Variants in CNTNAP2 observed in about 807,000 individuals in gnomAD.
The protein encoded by CNTNAP2 is contactin-associated protein-like 2.
Under a neutral mutation model 155.2 loss-of-function variants are expected in CNTNAP2, and 98 were observed. That is an observed-to-expected ratio of 0.63 (90% confidence interval 0.54 to 0.75). CNTNAP2 has a LOEUF of 0.75. CNTNAP2 is among the 30% of genes least tolerant of loss of function. The pLI is 0.00. For missense variants in CNTNAP2, 1,727 were observed against 1,688.1 expected (o/e 1.02, Z -0.40); for synonymous variants, 651 against 631.2 (o/e 1.03, Z -0.47).
chr7:146,216,476 C>T (rs577236388), intron 1 of CNTNAP2, among the ~76,000 whole-genome samples: 3 of 152,306 alleles, frequency 2.0e-5, no homozygotes, highest in African/African-American at 7.2e-5. Context: ...TGCCTCAGCA[C>T]ACCCTGTTCC....
At chr7:148,200,620 T>C (rs1025924017) in intron 18 of CNTNAP2, among the ~76,000 whole-genome samples, 2 of 152,308 alleles carry the variant, frequency 1.3e-5, no homozygotes, top group East Asian at 1.9e-4. Context: ...TCCTCTTACA[T>C]AGGAATCATA....
chr7:148,386,325 C>T (rs770459753), intron 22 of CNTNAP2, among the ~76,000 whole-genome samples: 10 of 151,934 alleles, frequency 6.6e-5, no homozygotes, highest in Non-Finnish European at 1.2e-4. Flanking sequence ...GTCAGGAGTT[C>T]GAGACCAGCC....
chr7:148,248,979 C>T (rs921613935), intron 20 of CNTNAP2, among the ~76,000 whole-genome samples: 2 of 152,160 alleles, frequency 1.3e-5, no homozygotes, highest in Non-Finnish European at 2.9e-5. Flanking sequence ...TGTTTAGCGA[C>T]TTTTCAAGTG....
chr7:146,724,480 G>A (rs112309511), intron 1 of CNTNAP2, among the ~76,000 whole-genome samples: 8 of 146,378 alleles, frequency 5.5e-5, no homozygotes, highest in African/African-American at 1.0e-4. Context: ...GTCTTGTTCC[G>A]TTTGGTTTTA....
chr7:148,045,164 A>G (rs1802753780), intron 15 of CNTNAP2, among the ~76,000 whole-genome samples: 1 of 152,198 alleles, frequency 6.6e-6, no homozygotes, highest in Admixed American at 6.5e-5. Flanking sequence ...CAGAGAGGGC[A>G]GCCTGCCTCT....
intron 10 of CNTNAP2, among the ~76,000 whole-genome samples, chr7:147,431,145 A>G (rs1265241963): frequency 6.6e-6 from 1 of 151,958 alleles, no homozygotes; most frequent in Non-Finnish European, 1.5e-5. Flanking sequence ...TGGCTTGTTG[A>G]ATTCATGATT....
intron 3 of CNTNAP2, among the ~76,000 whole-genome samples, chr7:146,981,337 A>T (rs184689914): frequency 6.6e-6 from 1 of 152,232 alleles, no homozygotes; most frequent in Non-Finnish European, 1.5e-5. Context: ...AGAAAAATAG[A>T]TGAGAACAGT....
In CNTNAP2 at chr7:147,041,017, A is replaced by C. The variant is rs111592553; in HGVS notation, c.403-2890A>C. Among the ~76,000 whole-genome samples, 1,260 of 152,210 alleles carry C rather than the reference A, an allele frequency of 8.3e-3. 17 individuals are homozygous for C. The highest frequency in any genetic ancestry group is 0.024 in the Middle Eastern group (7 of 294). Reference sequence around the variant, plus strand: ...ATTTATTTATTGCCCCTACCACCACATTGGTGTTGACCTTCAATTACTTGT... The same window carrying C: ...ATTTATTTATTGCCCCTACCACCACCTTGGTGTTGACCTTCAATTACTTGT... On this transcript the variant is annotated intron_variant, in intron 3 of 23. Coordinates refer to ENST00000361727, the MANE Select transcript of CNTNAP2 (RefSeq NM_014141.6).
intron 13 of CNTNAP2, among the ~76,000 whole-genome samples, chr7:147,648,088 C>G (rs2116937134): frequency 6.6e-6 from 1 of 152,220 alleles, no homozygotes; most frequent in African/African-American, 2.4e-5. Flanking sequence ...TGTAGAAAAG[C>G]TGCTTAATCA....
At chr7:147,929,092 CAAAAAAAAAAAAAAAA>C (rs66584239) in intron 14 of CNTNAP2, among the ~76,000 whole-genome samples, 7 of 34,624 alleles carry the variant, frequency 2.0e-4, no homozygotes, top group African/African-American at 5.5e-4. Flanking sequence ...AACTCCATCC[CAAAAAAAAAAAAAAAA>C]AAAAAAAAAA....
At chr7:147,641,071 G>A (rs1741221071) in intron 13 of CNTNAP2, among the ~76,000 whole-genome samples, 1 of 152,196 alleles carries the variant, frequency 6.6e-6, no homozygotes, top group South Asian at 2.1e-4. Context: ...CCATGTTTGG[G>A]TGGACCCAGT....
At chr7:146,327,714 C>G (rs765051850) in intron 1 of CNTNAP2, among the ~76,000 whole-genome samples, 41 of 152,126 alleles carry the variant, frequency 2.7e-4, no homozygotes, top group Non-Finnish European at 5.0e-4. Flanking sequence ...TTAATGGCCC[C>G]TTAACTAAAG....
chr7:146,156,502 T>C (rs1401200107), intron 1 of CNTNAP2, among the ~76,000 whole-genome samples: 1 of 152,228 alleles, frequency 6.6e-6, no homozygotes, highest in African/African-American at 2.4e-5. Flanking sequence ...AACTTTCGCC[T>C]ATGCTAAACT....
chr7:147,389,237 A>G (rs1345630171), intron 9 of CNTNAP2, among the ~76,000 whole-genome samples: 1 of 152,204 alleles, frequency 6.6e-6, no homozygotes, highest in Admixed American at 6.5e-5. Flanking sequence ...TATTTTGTGC[A>G]ATCTGCCAAG....
chr7:148,417,827 TGAGTA>T lies in CNTNAP2; in HGVS notation c.*2215_*2219del, dbSNP rs1470306333. The T allele has an allele frequency of 1.3e-5, 2 of 152,200 alleles. No homozygotes were observed. Among genetic ancestry groups the T allele is most frequent in the African/African-American group, 4.8e-5 (2 of 41,444 alleles). The allele number at this position is 152,200 out of a possible 1,614,324, so 9.4% of individuals were successfully genotyped here. On this transcript the variant is annotated 3_prime_UTR_variant, in exon 24 of 24. Coordinates refer to ENST00000361727, the MANE Select transcript of CNTNAP2 (RefSeq NM_014141.6). Reference sequence around the variant, plus strand: ...CAACACTTTCCCTTTTTTCCCAAAATGAGTAGAGAATTAAAGCCACCCAAAACAGC... The same window carrying T: ...CAACACTTTCCCTTTTTTCCCAAAATGAGAATTAAAGCCACCCAAAACAGC...
chr7:147,033,160 GTATATATATATATATATA>G (rs3081742), intron 3 of CNTNAP2, among the ~76,000 whole-genome samples: 18,582 of 90,882 alleles, frequency 0.2, 1,612 homozygotes, highest in East Asian at 0.29. Context: ...ATATATATAT[GTATATATATATATATATA>G]TATATATATA....
At chr7:147,575,631 C>T (rs187759498) in intron 12 of CNTNAP2, among the ~76,000 whole-genome samples, 4 of 151,838 alleles carry the variant, frequency 2.6e-5, no homozygotes, top group Admixed American at 6.6e-5. Flanking sequence ...AACCAAGGTG[C>T]AGCTTCTTTA....
intron 1 of CNTNAP2, among the ~76,000 whole-genome samples, chr7:146,421,455 T>C (rs1462389470): frequency 2.0e-5 from 3 of 152,030 alleles, no homozygotes; most frequent in Admixed American, 6.6e-5. Context: ...GAAGGTTTTA[T>C]GGAAAATGTG....
rs144393768 is a variant in CNTNAP2, at chr7:147,164,056, A to G, written c.1348+31547A>G. 3.9e-5 allele frequency among the ~76,000 whole-genome samples: 6 copies of G among 152,336 alleles called. No individual in the cohort carries two copies. In the East Asian group the frequency reaches 7.7e-4, roughly 20 times the overall value. On this transcript the variant is annotated intron_variant, in intron 8 of 23. Transcript: ENST00000361727. ...TTACGTGACAGGTGTTTATGCCTGAACTGTTCCACAGATAAATGGAAGACT... is the reference window on the plus strand; with the variant it reads ...TTACGTGACAGGTGTTTATGCCTGAGCTGTTCCACAGATAAATGGAAGACT...
Sources: allele counts gnomAD v4.1 joint callset (sites outside exome capture counted in the v4.1 genomes callset), GRCh38; gene constraint gnomAD v4.1.1; transcripts MANE v1.5; gene names NCBI Gene and HGNC (gene_info 2026-07-23, HGNC 2026-07-21).